Variants in GNA15 observed in about 807,000 individuals in gnomAD.
GNA15 encodes G protein subunit alpha 15, also known as guanine nucleotide-binding protein subunit alpha-15.
GNA15 carries 23 observed loss-of-function variants against 40.1 expected under a neutral mutation model. The observed-to-expected ratio is 0.57, with a 90% CI of 0.41 to 0.81. The LOEUF is 0.81. Among genes scored for constraint, GNA15 ranks in the 40% least tolerant of loss-of-function variants. GNA15 has a pLI of 0.00. For missense variants in GNA15, 522 were observed against 515.8 expected, an observed-to-expected ratio of 1.01 and a Z score of -0.12; for synonymous variants, 226 against 210.4, an observed-to-expected ratio of 1.07 and a Z score of -0.64.
At chr19:3,150,009 A>C in intron 2 of GNA15, 122 bp from the exon 3 acceptor site, 15 of 759,768 alleles carry the variant, frequency 2.0e-5, no homozygotes, top group Non-Finnish European at 2.1e-5. Context: ...GCTCTGGGGA[A>C]GAAGGAGAGC....
At position 3,151,843 on chromosome 19, in the gene GNA15, C is replaced by A. The variant is rs1914890335; in HGVS notation, c.614+8C>A. On this transcript the variant is annotated splice_region_variant and intron_variant, in intron 4 of 6. Transcript: ENST00000262958. The surrounding 1 kb of genome is among the most constrained non-coding windows in gnomAD (Gnocchi z 5.0). ...GCAGAAAACCAACCTGCGGTGAGCG[C>A]TCCACCTAGGCCCAGCCTAGGGGGC... 1.9e-6 allele frequency: 3 copies of A among 1,601,866 alleles called. No homozygotes were observed. Among genetic ancestry groups the A allele is most frequent in the African/African-American group, 2.7e-5 (2 of 74,728 alleles).
chr19:3,152,001 A>G (rs1914893654), intron 4 of GNA15, among the ~76,000 whole-genome samples, 166 bp downstream of exon 4: 1 of 152,182 alleles, frequency 6.6e-6, no homozygotes, highest in South Asian at 2.1e-4. Context: ...CCAGGCCCCC[A>G]GGTAGTCAGG....
At chr19:3,138,939 C>A (rs1396476980) in intron 1 of GNA15, among the ~76,000 whole-genome samples, 3 of 105,642 alleles carry the variant, frequency 2.8e-5, no homozygotes, top group African/African-American at 7.2e-5. Context: ...CGCCCAGCCT[C>A]TTTTTTTTTT....
rs751225666 is a variant in GNA15 at position 3,155,125 on chromosome 19, C to G, written c.615-698C>G. ...AGCAGCTGCAGCCTAACTGCTTCAT[C>G]ATCAGTCCCGGTTTCCCCTCCTGTG... On this transcript the variant is annotated intron_variant, in intron 4 of 6. Transcript: ENST00000262958. The surrounding 1 kb of genome is among the most constrained non-coding windows in gnomAD (Gnocchi z 5.6). The G allele has an allele frequency of 2.0e-5, 3 of 152,376 alleles. No homozygotes were observed. The highest frequency in any genetic ancestry group is 4.4e-5 in the Non-Finnish European group (3 of 68,152). The allele number at this position is 152,376 out of a possible 1,614,324, so 9.4% of individuals were successfully genotyped here. A position where few individuals can be genotyped will look rare whatever the true frequency, so the allele number is the denominator to read the frequency against.
chr19:3,153,014 C>T (rs1914916310), intron 4 of GNA15, among the ~76,000 whole-genome samples: 1 of 151,666 alleles, frequency 6.6e-6, no homozygotes, highest in Non-Finnish European at 1.5e-5. Flanking sequence ...GCAACCCGCT[C>T]GGGTCCCCTT....
chr19:3,145,054 C>T (rs1345561311), intron 1 of GNA15, among the ~76,000 whole-genome samples: 3 of 151,918 alleles, frequency 2.0e-5, no homozygotes, highest in African/African-American at 4.8e-5. Context: ...AGGGTTTCAC[C>T]ATGTTGGTCA....
chr19:3,153,181 C>A (rs887497625), intron 4 of GNA15, among the ~76,000 whole-genome samples: 5 of 151,126 alleles, frequency 3.3e-5, no homozygotes, highest in African/African-American at 1.2e-4. Context: ...CGAGAAGGAA[C>A]CAGCTCTGGG....
chr19:3,162,531 G>C (rs1463496338), intron 6 of GNA15, among the ~76,000 whole-genome samples: 1 of 152,186 alleles, frequency 6.6e-6, no homozygotes, highest in Non-Finnish European at 1.5e-5. Flanking sequence ...CTTTAACACA[G>C]TTCTGCCCGA....
intron 5 of GNA15, among the ~76,000 whole-genome samples, chr19:3,157,170 T>C (rs1915050410): frequency 6.6e-6 from 1 of 152,008 alleles, no homozygotes; most frequent in Admixed American, 6.6e-5. Flanking sequence ...GCTAATTTTT[T>C]GTATTTTTAG....
At chr19:3,159,935 C>T (rs962760708) in intron 6 of GNA15, among the ~76,000 whole-genome samples, 4 of 152,162 alleles carry the variant, frequency 2.6e-5, no homozygotes, top group African/African-American at 9.7e-5. Context: ...GTGGTTAATC[C>T]AGGGACCAAC....
At chr19:3,160,305 TTC>T (rs757314507) in intron 6 of GNA15, among the ~76,000 whole-genome samples, 1 of 152,110 alleles carries the variant, frequency 6.6e-6, no homozygotes, top group Non-Finnish European at 1.5e-5. Flanking sequence ...CTCCTCCCCT[TTC>T]TCCTAGTCTG....
At chr19:3,141,798 C>T (rs1010117575) in intron 1 of GNA15, 6 of 152,768 alleles carry the variant, frequency 3.9e-5, no homozygotes, top group African/African-American at 7.2e-5. Context: ...AGCTGAGACT[C>T]GCACCTAGAA....
At chr19:3,162,119 C>T (rs1039658673) in intron 6 of GNA15, among the ~76,000 whole-genome samples, 1 of 152,042 alleles carries the variant, frequency 6.6e-6, no homozygotes, top group Non-Finnish European at 1.5e-5. Context: ...AAGCACTCTA[C>T]AAAGCTTCTT....
At chr19:3,144,218 T>C (rs910259896) in intron 1 of GNA15, among the ~76,000 whole-genome samples, 4 of 151,194 alleles carry the variant, frequency 2.6e-5, no homozygotes, top group African/African-American at 9.7e-5. Flanking sequence ...GGACACCCAG[T>C]CAAGGGCCAG....
At position 3,151,527 on chromosome 19, in the gene GNA15, C is replaced by T. The variant is rs111825134; in HGVS notation, c.486-180C>T. Among the ~76,000 whole-genome samples, 3 of 152,232 alleles carry T rather than the reference C, an allele frequency of 2.0e-5. No individual in the cohort carries two copies. The highest frequency in any genetic ancestry group is 7.2e-5 in the African/African-American group (3 of 41,534). On this transcript the variant is annotated intron_variant, in intron 3 of 6. Coordinates refer to ENST00000262958, the MANE Select transcript of GNA15 (RefSeq NM_002068.4). This position sits in a 1 kb window ranked among gnomAD's most constrained non-coding sequence, Gnocchi z 5.0. ...TGCTCTGCGTGTGAAGCTGCTTTTC[C>T]TTGGGGCTCCATTGCCTCAGGTGGG... is the stretch of plus-strand genomic sequence containing the variant.
intron 1 of GNA15, among the ~76,000 whole-genome samples, chr19:3,144,891 T>C (rs546228734): frequency 7.9e-4 from 120 of 151,734 alleles, no homozygotes; most frequent in African/African-American, 1.3e-3. Flanking sequence ...TGCAGTGGCA[T>C]GATCTCGGCT....
intron 1 of GNA15, among the ~76,000 whole-genome samples, chr19:3,147,310 T>C (rs1007177396): frequency 6.6e-6 from 1 of 151,958 alleles, no homozygotes; most frequent in Non-Finnish European, 1.5e-5. Context: ...CCCAGCACTT[T>C]GGGAGGCCGA....
chr19:3,159,015 T>C (rs1246401539), intron 6 of GNA15, among the ~76,000 whole-genome samples: 1 of 147,052 alleles, frequency 6.8e-6, no homozygotes, highest in East Asian at 1.9e-4. Context: ...AATCCATTTT[T>C]TCTTTAATTT....
chr19:3,144,447 G>A (rs951965459), intron 1 of GNA15, among the ~76,000 whole-genome samples: 2 of 152,204 alleles, frequency 1.3e-5, no homozygotes, highest in Admixed American at 1.3e-4. Flanking sequence ...AGCTCTCACA[G>A]CTCTGCATCA....
Sources: gnomAD v4.1 joint callset for allele counts (sites outside exome capture counted in the v4.1 genomes callset) on GRCh38, gnomAD v4.1.1 for gene constraint, Gnocchi (gnomAD v3.1) non-coding constraint, MANE v1.5 for transcripts, NCBI Gene and HGNC (gene_info 2026-07-23, HGNC 2026-07-21) for gene names.